Variants in RIT2 observed in about 807,000 individuals in gnomAD.
RIT2 encodes Ras like without CAAX 2.
A neutral mutation model predicts 23.7 loss-of-function variants in RIT2; 24 were observed. That is an observed-to-expected ratio of 1.01 (90% confidence interval 0.73 to 1.43). The LOEUF (loss-of-function observed/expected upper bound fraction) is 1.43. RIT2 is among the 40% of genes most tolerant of loss of function. The pLI, the probability that RIT2 is intolerant of heterozygous loss-of-function variation, is 0.00. For missense variants in RIT2, 236 were observed against 266.9 expected (o/e 0.88, Z 0.81); for synonymous variants, 107 against 91.1 (o/e 1.17, Z -0.99).
intron 4 of RIT2, among the ~76,000 whole-genome samples, chr18:42,835,002 A>T (rs932847558): frequency 1.3e-5 from 2 of 152,136 alleles, no homozygotes; most frequent in Admixed American, 1.3e-4. Flanking sequence ...AACTGTCCTC[A>T]CATTACCCTT....
At chr18:42,763,500 C>G (rs1413565839) in intron 4 of RIT2, among the ~76,000 whole-genome samples, 2 of 150,846 alleles carry the variant, frequency 1.3e-5, no homozygotes, top group Non-Finnish European at 2.9e-5. Flanking sequence ...GGGACACTTA[C>G]CATGAATGAA....
intron 4 of RIT2, among the ~76,000 whole-genome samples, chr18:42,884,705 C>T (rs1038814454): frequency 2.0e-5 from 3 of 152,210 alleles, no homozygotes; most frequent in African/African-American, 7.2e-5. Context: ...GAGCAAAATG[C>T]TACCTGACAA....
chr18:43,021,254 C>T (rs780029898), intron 2 of RIT2, among the ~76,000 whole-genome samples: 42 of 152,000 alleles, frequency 2.8e-4, no homozygotes, highest in East Asian at 3.9e-4. Flanking sequence ...ATAGATGACA[C>T]GCAAATGTCC....
At chr18:42,957,166 A>T (rs1166685139) in intron 3 of RIT2, among the ~76,000 whole-genome samples, 1 of 152,192 alleles carries the variant, frequency 6.6e-6, no homozygotes, top group Non-Finnish European at 1.5e-5. Context: ...CAAATCTTTG[A>T]TGGTGAGCCA....
intron 4 of RIT2, among the ~76,000 whole-genome samples, chr18:42,881,033 C>T (rs551388283): frequency 1.2e-4 from 18 of 151,924 alleles, no homozygotes; most frequent in Non-Finnish European, 2.4e-4. Context: ...CCTGAACTTC[C>T]AACCTCAGGT....
At chr18:42,770,768 A>G (rs989159619) in intron 4 of RIT2, among the ~76,000 whole-genome samples, 2 of 151,708 alleles carry the variant, frequency 1.3e-5, no homozygotes, top group Admixed American at 6.6e-5. Flanking sequence ...TGTTCAATAC[A>G]ATCTTTTCAC....
At chr18:42,820,110 T>C (rs925711272) in intron 4 of RIT2, among the ~76,000 whole-genome samples, 3 of 152,140 alleles carry the variant, frequency 2.0e-5, no homozygotes, top group Admixed American at 1.3e-4. Context: ...CTGGAAATTA[T>C]TTTTTCCCCA....
intron 4 of RIT2, among the ~76,000 whole-genome samples, chr18:42,844,833 C>T (rs1452011222): frequency 1.3e-5 from 2 of 152,138 alleles, no homozygotes; most frequent in Non-Finnish European, 2.9e-5. Context: ...TACAGGGGAC[C>T]TGCCCCTATC....
chr18:42,982,223 G>A (rs571029921), intron 2 of RIT2, among the ~76,000 whole-genome samples: 35 of 152,278 alleles, frequency 2.3e-4, no homozygotes, highest in African/African-American at 7.9e-4. Flanking sequence ...CCAAAGGCTG[G>A]TGAGCCTGGA....
At chr18:43,032,651 C>T (rs2144282718) in intron 2 of RIT2, among the ~76,000 whole-genome samples, 1 of 151,166 alleles carries the variant, frequency 6.6e-6, no homozygotes, top group Admixed American at 6.6e-5. Context: ...CAAACCTCAA[C>T]TTGTTGAGGA....
chr18:43,033,459 A>T (rs1911904307), intron 2 of RIT2, among the ~76,000 whole-genome samples: 1 of 152,178 alleles, frequency 6.6e-6, no homozygotes, highest in African/African-American at 2.4e-5. Flanking sequence ...GAGCAAATAC[A>T]TATATAATCA....
intron 2 of RIT2, among the ~76,000 whole-genome samples, chr18:43,018,201 A>AGCCAC (rs1018879328): frequency 6.6e-6 from 1 of 152,034 alleles, no homozygotes; most frequent in African/African-American, 2.4e-5. Flanking sequence ...TGATCAGAGT[A>AGCCAC]GCCACAGATG....
chr18:43,072,023 T>C (rs1912909806), intron 1 of RIT2, among the ~76,000 whole-genome samples: 1 of 152,064 alleles, frequency 6.6e-6, no homozygotes, highest in Admixed American at 6.6e-5. Flanking sequence ...TCTCACTCTG[T>C]CTCCCAGGCT....
At chr18:42,807,089 C>T (rs1329129763) in intron 4 of RIT2, among the ~76,000 whole-genome samples, 1 of 151,990 alleles carries the variant, frequency 6.6e-6, no homozygotes, top group African/African-American at 2.4e-5. Context: ...CTTCATTATC[C>T]CTGTGGCATT....
chr18:42,758,556 C>T, intron 4 of RIT2, among the ~76,000 whole-genome samples: 1 of 151,814 alleles, frequency 6.6e-6, no homozygotes, highest in East Asian at 1.9e-4. Context: ...TCTCATCACC[C>T]AGGCTGGAGT....
intron 4 of RIT2, among the ~76,000 whole-genome samples, chr18:42,882,333 T>C (rs912197985): frequency 1.3e-5 from 2 of 152,182 alleles, no homozygotes; most frequent in African/African-American, 4.8e-5. Context: ...TACTACATAT[T>C]TGGAGGCTGA....
intron 4 of RIT2, among the ~76,000 whole-genome samples, chr18:42,893,593 C>G (rs1181417111): frequency 6.6e-6 from 1 of 152,152 alleles, no homozygotes; most frequent in Admixed American, 6.5e-5. Context: ...TGGGGGGACA[C>G]AAATTCAAAC....
At chr18:43,076,814 T>A (rs767536702) in intron 1 of RIT2, among the ~76,000 whole-genome samples, 58 of 152,098 alleles carry the variant, frequency 3.8e-4, no homozygotes, top group Admixed American at 1.8e-3. Context: ...TTTAAGAGGC[T>A]CAAACACGGC....
At chr18:42,824,946 T>C (rs151252913) in intron 4 of RIT2, among the ~76,000 whole-genome samples, 1 of 151,948 alleles carries the variant, frequency 6.6e-6, no homozygotes, top group Non-Finnish European at 1.5e-5. Context: ...TGAATTAACT[T>C]CTATTTTCAA....
Sources: gnomAD v4.1 joint callset for allele counts (sites outside exome capture counted in the v4.1 genomes callset) on GRCh38, gnomAD v4.1.1 for gene constraint, MANE v1.5 for transcripts, NCBI Gene and HGNC (gene_info 2026-07-23, HGNC 2026-07-21) for gene names.